KAZN: variants seen among roughly 807,000 people sequenced by gnomAD.
The protein encoded by KAZN is kazrin, periplakin interacting protein.
In KAZN, 40 loss-of-function variants were observed where a neutral mutation model predicts 87.4. The ratio of observed to expected loss-of-function variants is 0.46; its 90% CI spans 0.36 to 0.60. The LOEUF is 0.60. KAZN is among the 20% of genes least tolerant of loss of function. The pLI, the probability that KAZN is intolerant of heterozygous loss-of-function variation, is 0.00. For synonymous variants in KAZN, 466 were observed against 458.3 expected, an observed-to-expected ratio of 1.02 and a Z score of -0.22; for missense variants, 898 against 1,073.9, an observed-to-expected ratio of 0.84 and a Z score of 2.29.
At position 15,114,725 on chromosome 1, in the gene KAZN, C is replaced by A. The variant is rs181508090; in HGVS notation, c.*90C>A. ...CAGGTGTCGTTCTCACTGTACATAG[C>A]GGCCGCAGGCTGAGGATGTCCCTTG... On this transcript the variant is annotated 3_prime_UTR_variant, in exon 15 of 15. Coordinates refer to ENST00000376030, the MANE Select transcript of KAZN (RefSeq NM_201628.3). 313 of 1,302,456 alleles carry A rather than the reference C, an allele frequency of 2.4e-4. No individual in the cohort carries two copies. The African/African-American group carries it at 3.7e-3, about 15-fold the overall frequency. The allele number at this position is 1,302,456 out of a possible 1,614,324, so 80.7% of individuals were successfully genotyped here. A position where few individuals can be genotyped will look rare whatever the true frequency, so the allele number is the denominator to read the frequency against.
At chr1:14,807,245 T>C (rs1226314906) in intron 1 of KAZN, among the ~76,000 whole-genome samples, 1 of 152,188 alleles carries the variant, frequency 6.6e-6, no homozygotes. Flanking sequence ...TGGGGCTGCC[T>C]GGGTCTGATT....
At chr1:15,043,246 A>G (rs1229117138) in intron 3 of KAZN, among the ~76,000 whole-genome samples, 2 of 152,104 alleles carry the variant, frequency 1.3e-5, no homozygotes, top group African/African-American at 4.8e-5. Context: ...CTTACTGTTG[A>G]CCCTGTTTCC....
intron 1 of KAZN, among the ~76,000 whole-genome samples, chr1:14,085,464 G>A (rs766199193): frequency 6.6e-6 from 1 of 152,140 alleles, no homozygotes; most frequent in Non-Finnish European, 1.5e-5. Flanking sequence ...CCCTGCACCT[G>A]CTTTCTGTCA....
intron 10 of KAZN, among the ~76,000 whole-genome samples, chr1:15,095,165 C>T (rs1640750403): frequency 6.6e-6 from 1 of 152,160 alleles, no homozygotes; most frequent in African/African-American, 2.4e-5. Flanking sequence ...AGACAAGAGG[C>T]CCCAAAGGCC....
chr1:15,025,268 A>T (rs1671055890), intron 2 of KAZN, among the ~76,000 whole-genome samples: 1 of 152,156 alleles, frequency 6.6e-6, no homozygotes, highest in Non-Finnish European at 1.5e-5. Context: ...TTCACCCTTA[A>T]GCATGCTGTT....
intron 1 of KAZN, among the ~76,000 whole-genome samples, chr1:14,944,485 GTC>G (rs149185094): frequency 0.017 from 2,604 of 152,314 alleles, 82 homozygotes; most frequent in African/African-American, 0.059. Flanking sequence ...GGAATTGCAG[GTC>G]TCTCTCGCCT....
At chr1:14,034,725 G>A (rs972764971) in intron 1 of KAZN, among the ~76,000 whole-genome samples, 3 of 152,266 alleles carry the variant, frequency 2.0e-5, no homozygotes, top group Admixed American at 6.5e-5. Flanking sequence ...TTCATGGTTC[G>A]TTGGGTGCAC....
chr1:14,543,266 A>G lies in KAZN; in HGVS notation c.250-55717A>G, dbSNP rs79716610. Reference sequence around the variant, plus strand: ...GTTCAAGATACGTGGTTGGCTGGAGATATTGAAGGGAACTACCACCCTTGC... The same window carrying G: ...GTTCAAGATACGTGGTTGGCTGGAGGTATTGAAGGGAACTACCACCCTTGC... On this transcript the variant is annotated intron_variant, in intron 2 of 16. Transcript: ENST00000636203. 4.6e-4 allele frequency among the ~76,000 whole-genome samples: 70 copies of G among 152,298 alleles called. No homozygotes were observed. In the East Asian group the frequency reaches 0.013, roughly 28 times the overall value.
chr1:14,541,163 C>CTGT (rs1672786919), intron 2 of KAZN, among the ~76,000 whole-genome samples: 1 of 152,214 alleles, frequency 6.6e-6, no homozygotes, highest in Admixed American at 6.5e-5. Flanking sequence ...CTTGAGTTTT[C>CTGT]TGTCAACCGA....
intron 1 of KAZN, among the ~76,000 whole-genome samples, chr1:14,131,921 G>C (rs1208589551): frequency 1.3e-5 from 2 of 151,946 alleles, no homozygotes; most frequent in African/African-American, 4.8e-5. Context: ...GGGAGTTTTT[G>C]TTCTCTCACT....
At chr1:14,169,497 G>A (rs945010466) in intron 1 of KAZN, among the ~76,000 whole-genome samples, 1 of 152,182 alleles carries the variant, frequency 6.6e-6, no homozygotes, top group Non-Finnish European at 1.5e-5. Flanking sequence ...CAATCAACTG[G>A]AGTGGAGTGA....
chr1:14,825,689 G>T (rs899134877), intron 1 of KAZN, among the ~76,000 whole-genome samples: 2 of 152,138 alleles, frequency 1.3e-5, no homozygotes, highest in African/African-American at 4.8e-5. Flanking sequence ...CACCTCTAAA[G>T]CCTGTGCACT....
chr1:14,434,032 T>C (rs1571636042), intron 2 of KAZN, among the ~76,000 whole-genome samples: 1 of 152,260 alleles, frequency 6.6e-6, no homozygotes, highest in South Asian at 2.1e-4. Flanking sequence ...ATTTTCAACC[T>C]CCAGAACTGT....
intron 1 of KAZN, among the ~76,000 whole-genome samples, chr1:14,841,882 A>T (rs2100934570): frequency 6.6e-6 from 1 of 152,010 alleles, no homozygotes; most frequent in Non-Finnish European, 1.5e-5. Flanking sequence ...TGTTCTAGCC[A>T]CTCCAGCATC....
intron 1 of KAZN, among the ~76,000 whole-genome samples, chr1:14,034,095 C>G (rs1408718293): frequency 6.6e-6 from 1 of 152,202 alleles, no homozygotes; most frequent in Non-Finnish European, 1.5e-5. Context: ...AGAATGTCAT[C>G]TAAATGTAAA....
chr1:14,257,186 A>G (rs1028190067), intron 2 of KAZN, among the ~76,000 whole-genome samples: 5 of 152,044 alleles, frequency 3.3e-5, no homozygotes, highest in Non-Finnish European at 7.4e-5. Context: ...ATGATATCTC[A>G]TAGTGGTTTT....
intron 2 of KAZN, among the ~76,000 whole-genome samples, chr1:14,186,740 G>A (rs17354050): frequency 0.04 from 6,050 of 152,192 alleles, 158 homozygotes; most frequent in Middle Eastern, 0.061. Context: ...GGCAGACACC[G>A]CTGCAGATGG....
chr1:14,972,555 G>A (rs750302319), intron 2 of KAZN, among the ~76,000 whole-genome samples: 58 of 149,608 alleles, frequency 3.9e-4, no homozygotes, highest in Non-Finnish European at 4.9e-4. Flanking sequence ...CACTCTTGTC[G>A]CCTAGGCTAG....
At chr1:14,346,437 C>A (rs751921883) in intron 2 of KAZN, among the ~76,000 whole-genome samples, 7 of 152,058 alleles carry the variant, frequency 4.6e-5, no homozygotes, top group Non-Finnish European at 1.0e-4. Context: ...TCTCAGCCCT[C>A]CTGGGGTGAG....
Sources: allele counts gnomAD v4.1 joint callset (sites outside exome capture counted in the v4.1 genomes callset), GRCh38; gene constraint gnomAD v4.1.1; transcripts MANE v1.5; gene names NCBI Gene and HGNC (gene_info 2026-07-23, HGNC 2026-07-21).